The following TRPM4 variants were observed in gnomAD, a reference collection of about 807,000 sequenced individuals.
The protein encoded by TRPM4 is transient receptor potential cation channel subfamily M member 4, also known as calcium-activated non-selective cation channel 1.
In TRPM4, 124 loss-of-function variants were observed where a neutral mutation model predicts 135.6. The observed-to-expected ratio is 0.91, with a 90% CI of 0.79 to 1.06. TRPM4 has a LOEUF of 1.06. TRPM4 is among the 50% of genes least tolerant of loss of function. The pLI is 0.00. For missense variants in TRPM4, 1,658 were observed against 1,671.4 expected, an observed-to-expected ratio of 0.99 and a Z score of 0.14; for synonymous variants, 745 against 705.6, an observed-to-expected ratio of 1.06 and a Z score of -0.88.
Position 49,210,737 on chromosome 19 carries a change from G to A in TRPM4, c.3356G>A (p.Arg1119Gln), listed in dbSNP as rs1184019490. ...GTTTACCTTTCTAAGGAAGCCGAGCGGAAGCTGCTAACGTGGGAATCGGTG... is the reference window on the plus strand; with the variant it reads ...GTTTACCTTTCTAAGGAAGCCGAGCAGAAGCTGCTAACGTGGGAATCGGTG... ...FRVYLSKEAE[R>Q]KLLTWESVHK... Residue 1119 changes from arginine (R) to glutamine (Q), a missense_variant, in exon 22 of 25, where the codon CGG becomes CAG. By Grantham distance (43) the Arg-to-Gln change is conservative. Coordinates refer to ENST00000252826, the MANE Select transcript of TRPM4 (RefSeq NM_017636.4). The surrounding 1 kb of genome is among the most constrained non-coding windows in gnomAD (Gnocchi z 4.1). The A allele has an allele frequency of 2.5e-6, 4 of 1,614,174 alleles. No homozygotes were observed. The highest frequency in any genetic ancestry group is 1.1e-5 in the South Asian group (1 of 91,060).
chr19:49,194,950 T>TG (rs1968575329), intron 16 of TRPM4, among the ~76,000 whole-genome samples: 1 of 150,610 alleles, frequency 6.6e-6, no homozygotes, highest in African/African-American at 2.5e-5. Flanking sequence ...TCTGTAGAGA[T>TG]GGGGTTTCAC....
chr19:49,163,120 A>C (rs1380219076), intron 2 of TRPM4, among the ~76,000 whole-genome samples: 2 of 135,928 alleles, frequency 1.5e-5, no homozygotes, highest in African/African-American at 5.6e-5. Flanking sequence ...CCATGGCTAC[A>C]AAGAACCCAT....
rs1304364819 is a variant in TRPM4 at position 49,190,416 on chromosome 19, A to G, written c.2132+96A>G. On this transcript the variant is annotated intron_variant, in intron 15 of 24. Coordinates refer to ENST00000252826, the MANE Select transcript of TRPM4 (RefSeq NM_017636.4). ...CCCACCTTTCTTCCCTCATCGGCCC[A>G]TTGTGTCCCTTCCCTAGGAATGGGA... The G allele has an allele frequency of 6.2e-6, 7 of 1,132,660 alleles. No individual in the cohort carries two copies. In the Admixed American group the frequency reaches 1.1e-4, roughly 17 times the overall value. 70.2% of individuals were successfully genotyped at this position (1,132,660 alleles called of 1,614,324 possible). A position where few individuals can be genotyped will look rare whatever the true frequency, so the allele number is the denominator to read the frequency against.
intron 15 of TRPM4, 79 bp downstream of exon 15, chr19:49,190,399 T>C (rs1968366545): frequency 2.4e-6 from 3 of 1,262,766 alleles, no homozygotes; most frequent in Non-Finnish European, 2.3e-6. Context: ...TGCCCACCTT[T>C]CTTCCCTCAT....
intron 2 of TRPM4, among the ~76,000 whole-genome samples, chr19:49,164,235 C>T (rs1568455194): frequency 6.6e-6 from 1 of 150,626 alleles, no homozygotes; most frequent in East Asian, 1.9e-4. Context: ...TTTTCTCTCT[C>T]TCTTTCTTTC....
chr19:49,159,649 A>AT (rs1481156766), intron 2 of TRPM4: 9 of 151,652 alleles, frequency 5.9e-5, no homozygotes, highest in African/African-American at 1.5e-4. Flanking sequence ...TGCCCAGCTA[A>AT]TTTTTTGTAT....
Position 49,211,420 on chromosome 19 carries a change from T to A in TRPM4, c.3641-74T>A. 6.2e-7 allele frequency: 1 copy of A among 1,609,844 alleles called. No individual in the cohort carries two copies. Among genetic ancestry groups the A allele is most frequent in the Non-Finnish European group, 8.5e-7 (1 of 1,177,446 alleles). Reference sequence around the variant, plus strand: ...TCTCGCCTTCGTCTTTCTTCTTTTTTGCCAGTCTCCCAGTTTTTCTGTCTC... The same window carrying A: ...TCTCGCCTTCGTCTTTCTTCTTTTTAGCCAGTCTCCCAGTTTTTCTGTCTC... On this transcript the variant is annotated intron_variant, in intron 24 of 24. Transcript: ENST00000252826. The surrounding 1 kb of genome is among the most constrained non-coding windows in gnomAD (Gnocchi z 4.8).
chr19:49,208,871 A>T (rs1969246124), intron 20 of TRPM4, among the ~76,000 whole-genome samples: 2 of 151,562 alleles, frequency 1.3e-5, no homozygotes, highest in Non-Finnish European at 2.9e-5. Flanking sequence ...AGGCAAGAGA[A>T]TGGCATGAAC....
At chr19:49,168,467 C>T (rs943322712) in intron 5 of TRPM4, 44 bp downstream of exon 5, 1 of 1,613,642 alleles carries the variant, frequency 6.2e-7, no homozygotes, top group South Asian at 1.1e-5. Flanking sequence ...GGCCTGGACT[C>T]CTGGGTCTGA....
At chr19:49,190,602 A>G (rs1968374490) in intron 15 of TRPM4, 94 bp from the exon 16 acceptor site, 2 of 1,308,072 alleles carry the variant, frequency 1.5e-6, no homozygotes, top group South Asian at 2.4e-5. Flanking sequence ...TCCCTCTGCC[A>G]TGTCTCCGGG....
intron 17 of TRPM4, among the ~76,000 whole-genome samples, chr19:49,197,379 C>CT (rs1469689735): frequency 1.5e-3 from 175 of 113,514 alleles, no homozygotes; most frequent in Non-Finnish European, 2.4e-3. Flanking sequence ...TCTTTCTTTT[C>CT]TTTCTTTCTC....
At chr19:49,197,889 A>G (rs934057722) in intron 17 of TRPM4, among the ~76,000 whole-genome samples, 2 of 151,886 alleles carry the variant, frequency 1.3e-5, no homozygotes, top group African/African-American at 2.4e-5. Flanking sequence ...GGGCTTTGCC[A>G]TATTGACCAG....
Position 49,210,270 on chromosome 19 carries a change from C to T in TRPM4, c.3193C>T (p.Leu1065Phe), listed in dbSNP as rs1302505561. 2 of 1,614,246 alleles carry T rather than the reference C, an allele frequency of 1.2e-6. No homozygotes were observed. The highest frequency in any genetic ancestry group is 2.2e-5 in the South Asian group (2 of 91,090). Residue 1065 changes from leucine (L) to phenylalanine (F), a missense_variant, in exon 21 of 25, where the codon CTC becomes TTC. Transcript: ENST00000252826. The surrounding 1 kb of genome is among the most constrained non-coding windows in gnomAD (Gnocchi z 4.1). ...CTACTGGAAGGCGCAGCGTTACCGC[C>T]TCATCCGGGAATTCCACTCTCGGCC... ...DLYWKAQRYRLIREFHSRPAL... is the reference protein window; with the variant it reads ...DLYWKAQRYRFIREFHSRPAL...
intron 12 of TRPM4, among the ~76,000 whole-genome samples, chr19:49,183,685 GT>G (rs1968087040): frequency 1.3e-5 from 2 of 152,032 alleles, no homozygotes; most frequent in African/African-American, 4.8e-5. Context: ...TTACAGGCAT[GT>G]GCCACCGTGC....
At chr19:49,160,800 G>A (rs1161570929) in intron 2 of TRPM4, among the ~76,000 whole-genome samples, 3 of 152,078 alleles carry the variant, frequency 2.0e-5, no homozygotes, top group Non-Finnish European at 4.4e-5. Flanking sequence ...TGTAGAGAGC[G>A]TCTGAGCGGG....
At position 49,211,015 on chromosome 19, in the gene TRPM4, G is replaced by A. The variant is rs771732356; in HGVS notation, c.3462G>A (p.Lys1154=). 3 of 1,613,868 alleles carry A rather than the reference G, an allele frequency of 1.9e-6. No individual in the cohort carries two copies. The change falls in exon 23 of 25, where the codon AAG becomes AAA. Residue 1154 remains lysine, a splice_region_variant and synonymous_variant. Transcript: ENST00000252826. This position sits in a 1 kb window ranked among gnomAD's most constrained non-coding sequence, Gnocchi z 4.8. ...CCGGTAAGAGGCCCTCCCTTCTCAG[G>A]GTGGACTTGGCACTGAAACAGCTGG... The part of the protein sequence containing the change: ...DSERLKRTSQ[K]VDLALKQLGH...
intron 12 of TRPM4, among the ~76,000 whole-genome samples, chr19:49,183,842 C>T (rs11879406): frequency 0.015 from 2,212 of 148,722 alleles, 58 homozygotes; most frequent in African/African-American, 0.052. Context: ...GGCATGATCT[C>T]GGCTCACTGC....
rs962480684 is a variant in TRPM4, at chr19:49,200,764, A to G, written c.2932A>G (p.Ile978Val). The G allele has an allele frequency of 1.9e-6, 3 of 1,614,058 alleles. No homozygotes were observed. The Admixed American group carries it at 5.0e-5, about 27-fold the overall frequency. Residue 978 changes from isoleucine (I) to valine (V), a missense_variant, in exon 19 of 25, where the codon ATT (isoleucine) becomes GTT (valine). Coordinates refer to ENST00000252826, the MANE Select transcript of TRPM4 (RefSeq NM_017636.4). The stretch of plus-strand genomic sequence containing the variant: ...TCCCTACCTGCAGATCTTCGGGCAG[A>G]TTCCCCAGGAGGACATGGACGGTAG... Reference protein sequence around the residue: ...YRPYLQIFGQIPQEDMDVALM... With the variant: ...YRPYLQIFGQVPQEDMDVALM...
intron 12 of TRPM4, among the ~76,000 whole-genome samples, chr19:49,187,448 G>C (rs993987343): frequency 2.6e-5 from 4 of 151,622 alleles, no homozygotes; most frequent in African/African-American, 9.7e-5. Flanking sequence ...GGGCTCATTC[G>C]ATCCTCCTAC....
Sources: gnomAD v4.1 joint callset for allele counts (sites outside exome capture counted in the v4.1 genomes callset) on GRCh38, gnomAD v4.1.1 for gene constraint, Gnocchi (gnomAD v3.1) non-coding constraint, MANE v1.5 for transcripts, NCBI Gene and HGNC (gene_info 2026-07-23, HGNC 2026-07-21) for gene names.